The following SRGAP1 variants were observed in gnomAD, a reference collection of about 807,000 sequenced individuals.
SRGAP1 encodes the protein SLIT-ROBO Rho GTPase-activating protein 1.
Under a neutral mutation model 121.9 loss-of-function variants are expected in SRGAP1, and 43 were observed. That is an observed-to-expected ratio of 0.35 (90% CI 0.28 to 0.46). SRGAP1 has a LOEUF of 0.46. SRGAP1 is among the 20% of genes least tolerant of loss of function. SRGAP1 has a pLI of 1.00. For synonymous variants in SRGAP1, 447 were observed against 485.4 expected, an observed-to-expected ratio of 0.92 and a Z score of 1.04; for missense variants, 1,102 against 1,350.9, an observed-to-expected ratio of 0.82 and a Z score of 2.89.
chr12:63,889,585 A>G (rs2136295159), intron 1 of SRGAP1, among the ~76,000 whole-genome samples: 1 of 152,318 alleles, frequency 6.6e-6, no homozygotes, highest in East Asian at 1.9e-4. Flanking sequence ...TTGATGCTAC[A>G]GAGAGAATAT....
chr12:63,857,818 T>G (rs1899307833), intron 1 of SRGAP1, among the ~76,000 whole-genome samples: 1 of 152,230 alleles, frequency 6.6e-6, no homozygotes, highest in South Asian at 2.1e-4. Context: ...TATGGATTTA[T>G]TTTTCTTATA....
intron 1 of SRGAP1, among the ~76,000 whole-genome samples, chr12:63,971,011 C>T (rs938626487): frequency 2.6e-5 from 4 of 152,172 alleles, no homozygotes; most frequent in Admixed American, 2.6e-4. Flanking sequence ...GCCTACCTAA[C>T]CACCCTGCGA....
chr12:64,115,710 A>G (rs1417948368), intron 17 of SRGAP1, 104 bp from the exon 18 acceptor site: 1 of 807,120 alleles, frequency 1.2e-6, no homozygotes. Flanking sequence ...TCAGTGAGCC[A>G]AGATCACACC....
intron 18 of SRGAP1, among the ~76,000 whole-genome samples, chr12:64,124,877 A>G (rs529608034): frequency 8.5e-5 from 13 of 152,252 alleles, no homozygotes; most frequent in Non-Finnish European, 1.3e-4. Flanking sequence ...GTCAATGGTG[A>G]TATCTTACAA....
chr12:63,950,833 G>A (rs1320062595), intron 1 of SRGAP1, among the ~76,000 whole-genome samples: 9 of 152,072 alleles, frequency 5.9e-5, no homozygotes, highest in African/African-American at 2.2e-4. Context: ...TCCTTACACA[G>A]TGTCTTCTCT....
chr12:63,949,145 T>TTTC (rs2032184076), intron 1 of SRGAP1, among the ~76,000 whole-genome samples: 1 of 146,374 alleles, frequency 6.8e-6, no homozygotes, highest in African/African-American at 2.5e-5. Flanking sequence ...ATATATACAT[T>TTTC]CATATATGTA....
At chr12:64,002,116 C>T (rs532134771) in intron 3 of SRGAP1, among the ~76,000 whole-genome samples, 1 of 152,338 alleles carries the variant, frequency 6.6e-6, no homozygotes, top group East Asian at 1.9e-4. Context: ...AGACATTGGA[C>T]TTACATAAAC....
At chr12:63,941,651 GCTC>G (rs961580826) in intron 1 of SRGAP1, among the ~76,000 whole-genome samples, 14 of 148,662 alleles carry the variant, frequency 9.4e-5, no homozygotes, top group African/African-American at 3.5e-4. Context: ...AGGACTTACA[GCTC>G]CTCCTCCTAA....
chr12:63,973,438 T>C (rs1397346408), intron 1 of SRGAP1, among the ~76,000 whole-genome samples: 2 of 152,186 alleles, frequency 1.3e-5, no homozygotes. Flanking sequence ...TTGAACAAAA[T>C]ACTTATGCAC....
At chr12:64,005,930 C>T (rs926700003) in intron 3 of SRGAP1, among the ~76,000 whole-genome samples, 27 of 152,092 alleles carry the variant, frequency 1.8e-4, no homozygotes, top group Non-Finnish European at 2.1e-4. Context: ...GGCACAGTGG[C>T]GGCTACTATG....
At chr12:63,923,955 A>G (rs2031161760) in intron 1 of SRGAP1, among the ~76,000 whole-genome samples, 1 of 152,196 alleles carries the variant, frequency 6.6e-6, no homozygotes, top group African/African-American at 2.4e-5. Context: ...CAGCCTGGCC[A>G]ACATGGCAAA....
At position 64,085,710 on chromosome 12, in the gene SRGAP1, T is replaced by G. The variant is rs534075412; in HGVS notation, c.1409-1289T>G. Among the ~76,000 whole-genome samples the G allele has an allele frequency of 2.0e-5, 3 of 152,336 alleles. No homozygotes were observed. The South Asian group carries it at 6.2e-4, about 32-fold the overall frequency. ...AGCTATAAATTATTCTGAAGTTCTA[T>G]GTACACCTTCACCTTTTTCTTCTCC... On this transcript the variant is annotated intron_variant, in intron 10 of 21. Coordinates refer to ENST00000355086, the MANE Select transcript of SRGAP1 (RefSeq NM_020762.4).
intron 1 of SRGAP1, among the ~76,000 whole-genome samples, chr12:63,967,228 C>T (rs1283834039): frequency 6.6e-6 from 1 of 152,100 alleles, no homozygotes; most frequent in African/African-American, 2.4e-5. Flanking sequence ...ATCACTTCTC[C>T]CCAGGAGTTC....
intron 1 of SRGAP1, among the ~76,000 whole-genome samples, chr12:63,874,339 G>A (rs1899958741): frequency 6.6e-6 from 1 of 151,968 alleles, no homozygotes; most frequent in Admixed American, 6.6e-5. Context: ...GAGTAGCTGG[G>A]ACTACAGGTG....
At chr12:63,936,053 T>C (rs773002409) in intron 1 of SRGAP1, among the ~76,000 whole-genome samples, 34 of 152,346 alleles carry the variant, frequency 2.2e-4, no homozygotes, top group South Asian at 1.5e-3. Context: ...ACTTTTATTT[T>C]CTTAATATAT....
At chr12:63,864,040 G>T (rs1899542089) in intron 1 of SRGAP1, among the ~76,000 whole-genome samples, 1 of 152,146 alleles carries the variant, frequency 6.6e-6, no homozygotes, top group African/African-American at 2.4e-5. Flanking sequence ...TTCCACTAAG[G>T]TTTCAGTTTA....
At chr12:64,086,742 A>C (rs1038188366) in intron 10 of SRGAP1, among the ~76,000 whole-genome samples, 3 of 140,680 alleles carry the variant, frequency 2.1e-5, no homozygotes, top group Non-Finnish European at 4.7e-5. Flanking sequence ...AAAAAAAAAA[A>C]CACAGCCTCA....
chr12:64,101,308 G>GGTGT (rs59020353), intron 15 of SRGAP1, among the ~76,000 whole-genome samples: 16,367 of 137,928 alleles, frequency 0.12, 994 homozygotes, highest in Middle Eastern at 0.18. Flanking sequence ...TGGGGAAAGG[G>GGTGT]GTGTGTGTGT....
At chr12:64,097,922 CAAAGT>C (rs978361313) in intron 15 of SRGAP1, among the ~76,000 whole-genome samples, 5 of 152,242 alleles carry the variant, frequency 3.3e-5, no homozygotes, top group African/African-American at 9.6e-5. Flanking sequence ...TAATCATTGG[CAAAGT>C]AAAGCATTGC....
Sources: gnomAD v4.1 joint callset for allele counts (sites outside exome capture counted in the v4.1 genomes callset) on GRCh38, gnomAD v4.1.1 for gene constraint, MANE v1.5 for transcripts, NCBI Gene and HGNC (gene_info 2026-07-23, HGNC 2026-07-21) for gene names.